The following RASGRF2 variants were observed in gnomAD, a reference collection of about 807,000 sequenced individuals.
RASGRF2 encodes Ras protein specific guanine nucleotide releasing factor 2, also known as ras-specific guanine nucleotide-releasing factor 2.
RASGRF2 carries 76 observed loss-of-function variants against 151.0 expected under a neutral mutation model. That is an observed-to-expected ratio of 0.50 (90% confidence interval 0.42 to 0.61). RASGRF2 has a LOEUF of 0.61. Among genes scored for constraint, RASGRF2 ranks in the 20% least tolerant of loss-of-function variants. The pLI is 0.00. For synonymous variants in RASGRF2, 504 were observed against 566.5 expected, an observed-to-expected ratio of 0.89 and a Z score of 1.57; for missense variants, 1,148 against 1,564.6, an observed-to-expected ratio of 0.73 and a Z score of 4.49.
At chr5:80,973,012 C>T (rs1747989490) in intron 1 of RASGRF2, among the ~76,000 whole-genome samples, 1 of 152,188 alleles carries the variant, frequency 6.6e-6, no homozygotes, top group Non-Finnish European at 1.5e-5. Context: ...TTTCTACTCT[C>T]TTAACGGTGT....
At chr5:81,185,065 T>A (rs1754995765) in intron 18 of RASGRF2, among the ~76,000 whole-genome samples, 1 of 152,226 alleles carries the variant, frequency 6.6e-6, no homozygotes, top group Non-Finnish European at 1.5e-5. Context: ...CTCGGCCACC[T>A]AAGCAAGACC....
intron 17 of RASGRF2, among the ~76,000 whole-genome samples, chr5:81,159,368 C>A (rs1260558011): frequency 6.6e-6 from 1 of 152,208 alleles, no homozygotes; most frequent in Non-Finnish European, 1.5e-5. Context: ...GAATGCATAG[C>A]TGTAGCTGTG....
At chr5:81,032,729 A>C (rs755738624) in intron 1 of RASGRF2, among the ~76,000 whole-genome samples, 12,325 of 152,172 alleles carry the variant, frequency 0.081, 719 homozygotes, top group East Asian at 0.16. Context: ...CCCTTTGAAA[A>C]CTGGCACAAG....
intron 12 of RASGRF2, among the ~76,000 whole-genome samples, chr5:81,104,110 A>C (rs2112525766): frequency 6.6e-6 from 1 of 152,238 alleles, no homozygotes; most frequent in African/African-American, 2.4e-5. Context: ...GAGTAGAGAG[A>C]GTATTGGAAT....
intron 22 of RASGRF2, among the ~76,000 whole-genome samples, chr5:81,209,338 A>C (rs572030881): frequency 2.6e-5 from 4 of 152,176 alleles, no homozygotes; most frequent in Admixed American, 6.5e-5. Flanking sequence ...CTGTGGTAGA[A>C]CAAGTAACAG....
intron 17 of RASGRF2, among the ~76,000 whole-genome samples, chr5:81,169,871 CCACCTGCAT>C (rs1243225821): frequency 2.9e-5 from 4 of 138,662 alleles, no homozygotes; most frequent in African/African-American, 8.2e-5. Flanking sequence ...ATCACCCATA[CCACCTGCAT>C]CACCTGCACC....
chr5:81,012,993 A>T (rs1296358077), intron 1 of RASGRF2, among the ~76,000 whole-genome samples: 1 of 152,192 alleles, frequency 6.6e-6, no homozygotes, highest in African/African-American at 2.4e-5. Flanking sequence ...AAGTTTGGAG[A>T]CAACAGATTT....
At chr5:80,976,350 G>T (rs773830781) in intron 1 of RASGRF2, among the ~76,000 whole-genome samples, 33 of 152,130 alleles carry the variant, frequency 2.2e-4, no homozygotes, top group Non-Finnish European at 3.1e-4. Flanking sequence ...GGCTTAGAAC[G>T]GTTTAGTAAT....
chr5:80,980,535 G>A (rs570211444), intron 1 of RASGRF2, among the ~76,000 whole-genome samples: 2 of 152,228 alleles, frequency 1.3e-5, no homozygotes, highest in East Asian at 1.9e-4. Context: ...CCAGCTACTC[G>A]GGAGGCTGAA....
At chr5:81,074,612 A>G (rs1336809460) in intron 5 of RASGRF2, among the ~76,000 whole-genome samples, 1 of 152,218 alleles carries the variant, frequency 6.6e-6, no homozygotes, top group African/African-American at 2.4e-5. Flanking sequence ...ATGTACTTTA[A>G]CATGTACTTC....
chr5:81,025,556 C>T (rs958618363), intron 1 of RASGRF2, among the ~76,000 whole-genome samples: 1 of 152,178 alleles, frequency 6.6e-6, no homozygotes, highest in Non-Finnish European at 1.5e-5. Flanking sequence ...TCTTTTATGG[C>T]CTTGAGTGAG....
Position 81,229,481 on chromosome 5 carries a change from T to C in RASGRF2, c.*3711T>C, listed in dbSNP as rs1419831767. On this transcript the variant is annotated 3_prime_UTR_variant, in exon 27 of 27. Transcript: ENST00000265080. ...CTCAGCGGCCATTGGTGACTTAAAA[T>C]TAAGATGAGGCAGAGCCAAAATGGA... The C allele has an allele frequency of 6.6e-6, 1 of 152,206 alleles. No homozygotes were observed. The highest frequency in any genetic ancestry group is 2.4e-5 in the African/African-American group (1 of 41,462). 9.4% of individuals were successfully genotyped at this position (152,206 alleles called of 1,614,324 possible).
intron 22 of RASGRF2, among the ~76,000 whole-genome samples, chr5:81,211,208 A>C (rs1207763356): frequency 6.6e-6 from 1 of 150,668 alleles, no homozygotes; most frequent in Non-Finnish European, 1.5e-5. Context: ...CCTCTGTACT[A>C]GACCAGATGC....
chr5:81,175,570 A>G (rs534685602), intron 17 of RASGRF2, among the ~76,000 whole-genome samples: 7 of 152,184 alleles, frequency 4.6e-5, no homozygotes, highest in African/African-American at 1.4e-4. Context: ...CCTGACCAAC[A>G]TGGAGAAACC....
intron 18 of RASGRF2, among the ~76,000 whole-genome samples, chr5:81,186,220 A>C (rs1168338151): frequency 6.6e-6 from 1 of 152,176 alleles, no homozygotes; most frequent in Non-Finnish European, 1.5e-5. Flanking sequence ...CCGCATATAA[A>C]GGGCAATAAA....
chr5:81,123,593 C>T (rs750121586), intron 15 of RASGRF2, 49 bp from the exon 16 acceptor site: 4 of 1,590,124 alleles, frequency 2.5e-6, no homozygotes, highest in South Asian at 2.3e-5. Context: ...TGACAAGAAG[C>T]TCTTGAATTC....
rs1156282744 is a variant in RASGRF2, at chr5:81,208,352, AG to A, written c.3073del. The stretch of plus-strand genomic sequence containing the variant: ...GTTTTGTGTTTTGTTTTGAACTTCC[AG>A]GGAGTTTCTTGGGCAGGGGTGGATG... On this transcript the variant is annotated splice_acceptor_variant, in intron 21 of 26. Coordinates refer to ENST00000265080, the MANE Select transcript of RASGRF2 (RefSeq NM_006909.3). LOFTEE classifies it high-confidence loss of function. 6.2e-7 allele frequency: 1 copy of A among 1,613,336 alleles called. No homozygotes were observed. The highest frequency in any genetic ancestry group is 8.5e-7 in the Non-Finnish European group (1 of 1,179,566).
chr5:81,125,178 C>T (rs994378905), intron 16 of RASGRF2, among the ~76,000 whole-genome samples: 12 of 152,136 alleles, frequency 7.9e-5, no homozygotes, highest in African/African-American at 2.2e-4. Flanking sequence ...TAAGCCACTG[C>T]GCCCAGCCTA....
chr5:81,007,440 G>A (rs144774617), intron 1 of RASGRF2, among the ~76,000 whole-genome samples: 14 of 152,196 alleles, frequency 9.2e-5, no homozygotes, highest in Non-Finnish European at 1.8e-4. Context: ...TTCTTTCCCA[G>A]GGACCCTCTC....
Sources: allele counts gnomAD v4.1 joint callset (sites outside exome capture counted in the v4.1 genomes callset), GRCh38; gene constraint gnomAD v4.1.1; transcripts MANE v1.5; gene names NCBI Gene and HGNC (gene_info 2026-07-23, HGNC 2026-07-21).